The following CSMD1 variants were observed in gnomAD, a reference collection of about 807,000 sequenced individuals.
CSMD1 encodes the protein CUB and Sushi multiple domains 1.
A neutral mutation model predicts 417.5 loss-of-function variants in CSMD1; 213 were observed. The ratio of observed to expected loss-of-function variants is 0.51; its 90% CI spans 0.46 to 0.57. The LOEUF is 0.57. Among genes scored for constraint, CSMD1 ranks in the 20% least tolerant of loss-of-function variants. The pLI, the probability that CSMD1 is intolerant of heterozygous loss-of-function variation, is 0.00. For synonymous variants in CSMD1, 2,862 were observed against 1,736.8 expected (o/e 1.65, Z -16.11); for missense variants, 6,923 against 4,529.7 (o/e 1.53, Z -15.17).
At chr8:3,974,370 C>T (rs560691850) in intron 5 of CSMD1, among the ~76,000 whole-genome samples, 1 of 151,692 alleles carries the variant, frequency 6.6e-6, no homozygotes, top group African/African-American at 2.4e-5. Flanking sequence ...AAATATACAG[C>T]TTTTAAAAGA....
intron 1 of CSMD1, among the ~76,000 whole-genome samples, chr8:4,714,853 T>G (rs1808547304): frequency 6.6e-6 from 1 of 152,214 alleles, no homozygotes; most frequent in South Asian, 2.1e-4. Context: ...TCCAAATTCT[T>G]AAAACCGAAG....
chr8:3,462,145 G>A, intron 12 of CSMD1, among the ~76,000 whole-genome samples: 1 of 151,448 alleles, frequency 6.6e-6, no homozygotes, highest in Non-Finnish European at 1.5e-5. Context: ...CCTCCCAGCT[G>A]CTCGGGACCC....
intron 5 of CSMD1, among the ~76,000 whole-genome samples, chr8:3,768,017 G>A (rs2720775): frequency 0.2 from 30,529 of 152,010 alleles, 3,094 homozygotes; most frequent in Middle Eastern, 0.26. Context: ...CTCCATGAAT[G>A]CACCAGGTAT....
At chr8:4,974,893 A>C (rs928092206) in intron 1 of CSMD1, among the ~76,000 whole-genome samples, 1 of 152,238 alleles carries the variant, frequency 6.6e-6, no homozygotes, top group African/African-American at 2.4e-5. Context: ...ACACAAAAAA[A>C]CTATGATGGT....
At chr8:4,104,755 A>G (rs916574795) in intron 3 of CSMD1, among the ~76,000 whole-genome samples, 1 of 152,162 alleles carries the variant, frequency 6.6e-6, no homozygotes, top group African/African-American at 2.4e-5. Flanking sequence ...GAAAAGCACA[A>G]TCCGGCTTTC....
intron 5 of CSMD1, among the ~76,000 whole-genome samples, chr8:3,775,662 G>C (rs979581301): frequency 6.6e-6 from 1 of 152,186 alleles, no homozygotes; most frequent in Non-Finnish European, 1.5e-5. Context: ...GATTGTCGGG[G>C]AGAGAGCCCA....
intron 26 of CSMD1, among the ~76,000 whole-genome samples, chr8:3,272,967 T>A (rs1287405293): frequency 6.6e-6 from 1 of 150,394 alleles, no homozygotes; most frequent in African/African-American, 2.4e-5. Context: ...TCCAACACTA[T>A]GTTGAATAGG....
At chr8:4,922,869 C>A (rs1010380849) in intron 1 of CSMD1, among the ~76,000 whole-genome samples, 1 of 152,176 alleles carries the variant, frequency 6.6e-6, no homozygotes, top group African/African-American at 2.4e-5. Flanking sequence ...AAAGTTTTAA[C>A]TGGCATCTTC....
In CSMD1 at chr8:4,412,457, C is replaced by T. The variant is rs186454719; in HGVS notation, c.415+7496G>A. ...AAGCTTCCCGAGGCCTCAACAGAAG[C>T]CGGGCAGATGCCAGTACCACGGTTC... is the stretch of plus-strand genomic sequence containing the variant. On this transcript the variant is annotated intron_variant, in intron 3 of 69. Transcript: ENST00000635120. Among the ~76,000 whole-genome samples the T allele has an allele frequency of 2.0e-5, 3 of 152,274 alleles. No individual in the cohort carries two copies. In the East Asian group the frequency reaches 5.8e-4, roughly 29 times the overall value.
chr8:4,097,336 A>C (rs1182985098), intron 3 of CSMD1, among the ~76,000 whole-genome samples: 1 of 152,212 alleles, frequency 6.6e-6, no homozygotes, highest in African/African-American at 2.4e-5. Context: ...GCCTCAGTTG[A>C]CACCTTTATA....
chr8:3,224,406 G>C (rs1798381279), intron 27 of CSMD1, among the ~76,000 whole-genome samples: 1 of 152,186 alleles, frequency 6.6e-6, no homozygotes, highest in African/African-American at 2.4e-5. Context: ...TTCTGGATCT[G>C]AACAAGTGTT....
intron 3 of CSMD1, among the ~76,000 whole-genome samples, chr8:4,182,025 CGTGT>C (rs71205427): frequency 2.5e-5 from 3 of 118,296 alleles, no homozygotes; most frequent in South Asian, 6.3e-4. Flanking sequence ...CATACACACC[CGTGT>C]GTGTGTGTGT....
At chr8:4,048,529 G>C (rs952059172) in intron 3 of CSMD1, among the ~76,000 whole-genome samples, 5 of 152,110 alleles carry the variant, frequency 3.3e-5, no homozygotes, top group African/African-American at 1.2e-4. Context: ...CATCCCTCAG[G>C]TTTATAAACC....
chr8:3,525,129 G>A (rs754660467), intron 10 of CSMD1, among the ~76,000 whole-genome samples: 1 of 151,558 alleles, frequency 6.6e-6, no homozygotes, highest in East Asian at 1.9e-4. Flanking sequence ...GAAGGCTCAA[G>A]CCACATACAG....
At chr8:4,468,537 T>A (rs1800329166) in intron 2 of CSMD1, among the ~76,000 whole-genome samples, 1 of 152,204 alleles carries the variant, frequency 6.6e-6, no homozygotes, top group South Asian at 2.1e-4. Flanking sequence ...TGAAGGCATT[T>A]ACACACTCTT....
intron 46 of CSMD1, among the ~76,000 whole-genome samples, chr8:3,099,588 A>G (rs1815585392): frequency 6.6e-6 from 1 of 152,206 alleles, no homozygotes. Context: ...AGATTTTATA[A>G]CTGCAGCTAT....
intron 4 of CSMD1, among the ~76,000 whole-genome samples, chr8:4,025,000 G>A (rs777691525): frequency 6.6e-6 from 1 of 152,214 alleles, no homozygotes; most frequent in East Asian, 1.9e-4. Flanking sequence ...GGTTTAAACG[G>A]CCTGATGCCT....
At chr8:3,800,306 C>A (rs1383949) in intron 5 of CSMD1, among the ~76,000 whole-genome samples, 50,295 of 151,890 alleles carry the variant, frequency 0.33, 8,847 homozygotes, top group East Asian at 0.44. Flanking sequence ...TTATACTGGG[C>A]AAATCACATA....
At chr8:3,816,988 C>G (rs554067601) in intron 5 of CSMD1, among the ~76,000 whole-genome samples, 1 of 151,880 alleles carries the variant, frequency 6.6e-6, no homozygotes, top group Non-Finnish European at 1.5e-5. Flanking sequence ...TAAACAGGTT[C>G]GAACAATGCT....
Sources: allele counts gnomAD v4.1 joint callset (sites outside exome capture counted in the v4.1 genomes callset), GRCh38; gene constraint gnomAD v4.1.1; transcripts MANE v1.5; gene names NCBI Gene and HGNC (gene_info 2026-07-23, HGNC 2026-07-21).